Variants in ATP8A1 observed in about 807,000 individuals in gnomAD.
The protein encoded by ATP8A1 is ATPase phospholipid transporting 8A1.
Under a neutral mutation model 177.7 loss-of-function variants are expected in ATP8A1, and 90 were observed. The observed-to-expected ratio is 0.51, with a 90% CI of 0.43 to 0.60. The LOEUF (loss-of-function observed/expected upper bound fraction) is 0.60, where lower values mean the gene tolerates loss of function less well. Ranked by LOEUF, ATP8A1 falls within the 20% of genes least tolerant of loss-of-function variation. The pLI, the probability that ATP8A1 is intolerant of heterozygous loss-of-function variation, is 0.00. For synonymous variants in ATP8A1, 493 were observed against 485.9 expected, an observed-to-expected ratio of 1.01 and a Z score of -0.19; for missense variants, 1,072 against 1,392.8, an observed-to-expected ratio of 0.77 and a Z score of 3.67.
At chr4:42,583,209 C>G (rs1463298330) in intron 9 of ATP8A1, among the ~76,000 whole-genome samples, 2 of 152,040 alleles carry the variant, frequency 1.3e-5, no homozygotes, top group Non-Finnish European at 2.9e-5. Context: ...AATCCCGATG[C>G]GTAGGTAACA....
chr4:42,488,255 T>C (rs182956153), intron 24 of ATP8A1, among the ~76,000 whole-genome samples: 40 of 152,336 alleles, frequency 2.6e-4, no homozygotes, highest in African/African-American at 9.1e-4. Context: ...GCTACCATCC[T>C]GAGCAGGAGG....
intron 12 of ATP8A1, among the ~76,000 whole-genome samples, chr4:42,576,475 CAAAAAAAAAAAA>C (rs1159794343): frequency 4.0e-4 from 13 of 32,402 alleles, no homozygotes; most frequent in East Asian, 1.9e-3. Context: ...GACGCCGTCT[CAAAAAAAAAAAA>C]AAAAAAAAAA....
Position 42,467,373 on chromosome 4 carries a change from G to A in ATP8A1, c.2325-2297C>T, listed in dbSNP as rs575466958. Reference sequence around the variant, plus strand: ...CACACTGCAGCTGCTACTAGCCAGAGCATCTGCTTCCATTACCAAGCTTTA... The same window carrying A: ...CACACTGCAGCTGCTACTAGCCAGAACATCTGCTTCCATTACCAAGCTTTA... On this transcript the variant is annotated intron_variant, in intron 25 of 36. Transcript: ENST00000381668. Among the ~76,000 whole-genome samples, 17 of 152,290 alleles carry A rather than the reference G, an allele frequency of 1.1e-4. No homozygotes were observed. In the South Asian group the frequency reaches 3.1e-3, roughly 28 times the overall value.
At chr4:42,600,638 G>C in intron 5 of ATP8A1, 120 bp from the exon 6 acceptor site, 1 of 842,060 alleles carries the variant, frequency 1.2e-6, no homozygotes, top group Non-Finnish European at 1.8e-6. Context: ...AATTTTTATA[G>C]GTTAAAATTC....
intron 15 of ATP8A1, among the ~76,000 whole-genome samples, chr4:42,565,888 C>T (rs1276637573): frequency 2.6e-5 from 4 of 152,126 alleles, no homozygotes; most frequent in African/African-American, 9.7e-5. Context: ...AGATTTTCCC[C>T]TTCAATCCAA....
chr4:42,527,353 C>T (rs146800550), intron 20 of ATP8A1, among the ~76,000 whole-genome samples: 1,537 of 152,258 alleles, frequency 0.01, 24 homozygotes, highest in African/African-American at 0.035. Context: ...GGAATGGGGA[C>T]GTGTGGGAGG....
At chr4:42,503,335 G>C (rs922114663) in intron 24 of ATP8A1, 115 bp downstream of exon 24, 1 of 601,280 alleles carries the variant, frequency 1.7e-6, no homozygotes, top group African/African-American at 1.9e-5. Context: ...GAACAACAGT[G>C]ATAAGGTACC....
intron 24 of ATP8A1, among the ~76,000 whole-genome samples, chr4:42,493,775 G>C (rs1043737227): frequency 2.0e-5 from 3 of 152,116 alleles, no homozygotes; most frequent in Non-Finnish European, 4.4e-5. Context: ...CTATTTTGTA[G>C]AGAGATTATA....
intron 22 of ATP8A1, 35 bp from the exon 23 acceptor site, chr4:42,507,189 T>A (rs375254453): frequency 6.8e-6 from 11 of 1,607,648 alleles, no homozygotes; most frequent in Non-Finnish European, 9.3e-6. Flanking sequence ...GTTTTAAAAA[T>A]CCGTTCATAT....
intron 1 of ATP8A1, among the ~76,000 whole-genome samples, chr4:42,628,962 CT>C (rs1008509968): frequency 2.0e-5 from 3 of 152,188 alleles, no homozygotes; most frequent in African/African-American, 7.2e-5. Context: ...ATGTCCTTAG[CT>C]GAGGAACTGG....
intron 22 of ATP8A1, among the ~76,000 whole-genome samples, chr4:42,511,284 G>C (rs1168157713): frequency 6.6e-6 from 1 of 152,136 alleles, no homozygotes; most frequent in Non-Finnish European, 1.5e-5. Flanking sequence ...TGCTTTTCCT[G>C]ATCATAACAC....
chr4:42,562,857 T>A (rs1441124378), intron 15 of ATP8A1, among the ~76,000 whole-genome samples: 1 of 152,240 alleles, frequency 6.6e-6, no homozygotes, highest in Non-Finnish European at 1.5e-5. Context: ...CTTCCTTGCT[T>A]TCTGCCATGA....
intron 12 of ATP8A1, among the ~76,000 whole-genome samples, chr4:42,576,475 CAAAAAAAAAAAAAAAAAAAA>C (rs1159794343): frequency 3.1e-5 from 1 of 32,400 alleles, no homozygotes; most frequent in African/African-American, 1.5e-4. Context: ...GACGCCGTCT[CAAAAAAAAAAAAAAAAAAAA>C]AAAAAAAAAA....
intron 5 of ATP8A1, among the ~76,000 whole-genome samples, chr4:42,605,853 T>C (rs1455057055): frequency 6.6e-6 from 1 of 152,226 alleles, no homozygotes; most frequent in Non-Finnish European, 1.5e-5. Context: ...TCTAAGAAAC[T>C]TTTAAATACA....
At chr4:42,601,263 T>C (rs1295597481) in intron 5 of ATP8A1, among the ~76,000 whole-genome samples, 1 of 151,946 alleles carries the variant, frequency 6.6e-6, no homozygotes, top group East Asian at 1.9e-4. Context: ...ATCGAACTCC[T>C]GACCTCAAGT....
In ATP8A1 at chr4:42,513,748, T is replaced by A. The variant is rs147633739; in HGVS notation, c.1948-6594A>T. Reference sequence around the variant, plus strand: ...GACAATCCCAAAGGCAAGGGACACCTGGCGAATTTTAGAAGAGGAGAGACA... The same window carrying A: ...GACAATCCCAAAGGCAAGGGACACCAGGCGAATTTTAGAAGAGGAGAGACA... On this transcript the variant is annotated intron_variant, in intron 22 of 36. Coordinates refer to ENST00000381668, the MANE Select transcript of ATP8A1 (RefSeq NM_006095.2). Among the ~76,000 whole-genome samples, 341 of 152,328 alleles carry A rather than the reference T, an allele frequency of 2.2e-3. 2 individuals carry two copies. Among genetic ancestry groups the A allele is most frequent in the African/African-American group, 7.0e-3 (291 of 41,560 alleles).
chr4:42,656,825 C>T lies in ATP8A1; in HGVS notation c.49G>A (p.Gly17Ser). The T allele has an allele frequency of 6.3e-7, 1 of 1,574,932 alleles. No homozygotes were observed. Among genetic ancestry groups the T allele is most frequent in the Non-Finnish European group, 8.6e-7 (1 of 1,160,488 alleles). The change falls in exon 1 of 37, where the codon GGT (glycine) becomes AGT (serine). Residue 17 changes from glycine to serine, a missense_variant and splice_region_variant. Around this residue, in one of 5 missense-constraint regions of ATP8A1, gnomAD observed 344 missense variants for 393.5 expected, o/e 0.87. Coordinates refer to ENST00000381668, the MANE Select transcript of ATP8A1 (RefSeq NM_006095.2). ...GCCCCGAGCCTCGGCGGCCCCTTACCTTCGGCGCGCGAGCGGATCTCCGAC... is the reference window on the plus strand; with the variant it reads ...GCCCCGAGCCTCGGCGGCCCCTTACTTTCGGCGCGCGAGCGGATCTCCGAC... ...TVSEIRSRAE[G>S]YEKTDDVSEK...
At chr4:42,479,169 G>A (rs1003656471) in intron 25 of ATP8A1, among the ~76,000 whole-genome samples, 1 of 152,128 alleles carries the variant, frequency 6.6e-6, no homozygotes, top group African/African-American at 2.4e-5. Context: ...AGTCTTATTG[G>A]AACATGGCCA....
chr4:42,557,716 A>T (rs910744009), intron 15 of ATP8A1, among the ~76,000 whole-genome samples: 1 of 152,196 alleles, frequency 6.6e-6, no homozygotes, highest in South Asian at 2.1e-4. Flanking sequence ...CTCTTCTTCT[A>T]GAAAGTGACT....
Sources: allele counts gnomAD v4.1 joint callset (sites outside exome capture counted in the v4.1 genomes callset), GRCh38; gene constraint gnomAD v4.1.1; regional missense constraint gnomAD v4.1.1; transcripts MANE v1.5; gene names NCBI Gene and HGNC (gene_info 2026-07-23, HGNC 2026-07-21).